Variants in ABLIM2 observed in about 807,000 individuals in gnomAD.
ABLIM2 encodes the protein actin-binding LIM protein 2.
Under a neutral mutation model 97.7 loss-of-function variants are expected in ABLIM2, and 53 were observed. The ratio of observed to expected loss-of-function variants is 0.54; its 90% confidence interval spans 0.44 to 0.68. The LOEUF is 0.68. Among genes scored for constraint, ABLIM2 ranks in the 30% least tolerant of loss-of-function variants. The pLI is 0.00. For missense variants in ABLIM2, 835 were observed against 867.2 expected, an observed-to-expected ratio of 0.96 and a Z score of 0.47; for synonymous variants, 361 against 345.8, an observed-to-expected ratio of 1.04 and a Z score of -0.49.
rs761368156 is a variant in ABLIM2 at position 8,071,618 on chromosome 4, C to T, written c.675+6010G>A. Among the ~76,000 whole-genome samples, 23 of 151,974 alleles carry T rather than the reference C, an allele frequency of 1.5e-4. No homozygotes were observed. The highest frequency in any genetic ancestry group is 3.2e-4 in the Non-Finnish European group (22 of 67,966). On this transcript the variant is annotated intron_variant, in intron 6 of 20. Transcript: ENST00000447017. The surrounding 1 kb of genome is among the most constrained non-coding windows in gnomAD (Gnocchi z 6.2). Reference sequence around the variant, plus strand: ...GAGGGAAGCCAGGGGCACTGCCAAGCGCCTTAGGGGGCAAAACGGGGGTGG... The same window carrying T: ...GAGGGAAGCCAGGGGCACTGCCAAGTGCCTTAGGGGGCAAAACGGGGGTGG...
intron 20 of ABLIM2, among the ~76,000 whole-genome samples, chr4:7,980,274 T>G (rs970258560): frequency 1.3e-5 from 2 of 152,136 alleles, no homozygotes; most frequent in Non-Finnish European, 2.9e-5. Context: ...ACTGATAACA[T>G]TAACATTAAA....
chr4:8,129,014 TC>T (rs1159039990), intron 1 of ABLIM2, among the ~76,000 whole-genome samples: 1 of 151,924 alleles, frequency 6.6e-6, no homozygotes, highest in African/African-American at 2.4e-5. Context: ...AGACCACACA[TC>T]CTACCTGGCT....
chr4:8,036,070 C>T, intron 10 of ABLIM2, 79 bp downstream of exon 10: 2 of 1,529,472 alleles, frequency 1.3e-6, no homozygotes. Context: ...CCATAGGACA[C>T]ATGCTAGGGA....
In ABLIM2 at chr4:7,966,988, C is replaced by T. The variant is rs768467542; in HGVS notation, c.*2G>A. On this transcript the variant is annotated 3_prime_UTR_variant, in exon 21 of 21. Coordinates refer to ENST00000447017, the MANE Select transcript of ABLIM2 (RefSeq NM_001130083.2). ...CACACCAGTGGGGCAGGCTGGCAGC[C>T]GTCAGAACAAAAGGGCTTTCTTCTT... The T allele has an allele frequency of 1.4e-5, 22 of 1,612,282 alleles. No homozygotes were observed. The highest frequency in any genetic ancestry group is 1.7e-4 in the Middle Eastern group (1 of 6,024).
chr4:8,008,652 TCA>T (rs1308363541), intron 15 of ABLIM2, among the ~76,000 whole-genome samples: 1 of 152,206 alleles, frequency 6.6e-6, no homozygotes, highest in Non-Finnish European at 1.5e-5. Flanking sequence ...CCGGCTGCGT[TCA>T]CAGAGTTCGG....
intron 20 of ABLIM2, among the ~76,000 whole-genome samples, chr4:7,971,397 C>A (rs1261637022): frequency 1.3e-5 from 2 of 152,132 alleles, no homozygotes; most frequent in Non-Finnish European, 2.9e-5. Context: ...GGGTGGGGGT[C>A]TTTGCAGAGG....
rs973136034 is a variant in ABLIM2, at chr4:8,021,158, C to T, written c.1268-855G>A. On this transcript the variant is annotated intron_variant, in intron 12 of 20. Coordinates refer to ENST00000447017, the MANE Select transcript of ABLIM2 (RefSeq NM_001130083.2). The surrounding 1 kb of genome is among the most constrained non-coding windows in gnomAD (Gnocchi z 5.5). Reference sequence around the variant, plus strand: ...GGCATGAGCCACCGCACCCTGGCCACATTCTTAAATACAACTGCTTTTTGG... The same window carrying T: ...GGCATGAGCCACCGCACCCTGGCCATATTCTTAAATACAACTGCTTTTTGG... Among the ~76,000 whole-genome samples, 2 of 152,154 alleles carry T rather than the reference C, an allele frequency of 1.3e-5. No homozygotes were observed. The highest frequency in any genetic ancestry group is 4.8e-5 in the African/African-American group (2 of 41,424).
intron 8 of ABLIM2, among the ~76,000 whole-genome samples, chr4:8,052,200 A>G (rs1796480514): frequency 6.6e-6 from 1 of 152,228 alleles, no homozygotes; most frequent in African/African-American, 2.4e-5. Context: ...CCATGCACAC[A>G]TGCAAGCCAC....
chr4:8,144,618 G>A, intron 1 of ABLIM2, among the ~76,000 whole-genome samples: 1 of 152,226 alleles, frequency 6.6e-6, no homozygotes, highest in Non-Finnish European at 1.5e-5. Flanking sequence ...TCCAGTGCCA[G>A]CCCAGCGGGT....
Position 8,105,196 on chromosome 4 carries a change from C to T in ABLIM2, c.154+1298G>A, listed in dbSNP as rs552521799. Among the ~76,000 whole-genome samples the T allele has an allele frequency of 7.9e-4, 121 of 152,310 alleles. 2 individuals carry two copies. The highest frequency in any genetic ancestry group is 6.7e-3 in the Admixed American group (102 of 15,304). On this transcript the variant is annotated intron_variant, in intron 2 of 20. Transcript: ENST00000447017. ...CTTCTGCCAGGCAGATTTCTACTCC[C>T]GAGGTTCTAGCCAGCACGCCACCTC...
intron 1 of ABLIM2, among the ~76,000 whole-genome samples, chr4:8,146,405 C>G (rs865939015): frequency 6.6e-6 from 1 of 152,216 alleles, no homozygotes; most frequent in Non-Finnish European, 1.5e-5. Flanking sequence ...CCGTCACCTA[C>G]AAAGTCAGAT....
At chr4:8,064,223 T>C (rs1805465120) in intron 6 of ABLIM2, among the ~76,000 whole-genome samples, 1 of 152,260 alleles carries the variant, frequency 6.6e-6, no homozygotes, top group South Asian at 2.1e-4. Flanking sequence ...GTGCTCATTC[T>C]TCTTTGTGGC....
intron 20 of ABLIM2, among the ~76,000 whole-genome samples, chr4:7,974,677 C>T (rs975074666): frequency 6.6e-6 from 1 of 151,718 alleles, no homozygotes; most frequent in Admixed American, 6.6e-5. Context: ...ATCCACCCAT[C>T]CATCCACCAA....
intron 12 of ABLIM2, among the ~76,000 whole-genome samples, chr4:8,027,169 T>C (rs1230060524): frequency 5.3e-5 from 8 of 152,106 alleles, no homozygotes; most frequent in Admixed American, 3.9e-4. Context: ...TCTATGAATG[T>C]GGGGGATGCA....
rs369438084 is a variant in ABLIM2, at chr4:8,083,476, C to T, written c.455-2674G>A. Among the ~76,000 whole-genome samples the T allele has an allele frequency of 2.6e-5, 4 of 152,256 alleles. No individual in the cohort carries two copies. The highest frequency in any genetic ancestry group is 4.4e-5 in the Non-Finnish European group (3 of 68,016). On this transcript the variant is annotated intron_variant, in intron 4 of 20. Transcript: ENST00000447017. The surrounding 1 kb of genome is among the most constrained non-coding windows in gnomAD (Gnocchi z 4.6). ...CTCTGCCTCCTACCATATTGGCCGG[C>T]GCCCTCCCCTGCCAAGAAGCTCCCT...
intron 8 of ABLIM2, among the ~76,000 whole-genome samples, chr4:8,048,258 C>T (rs546155294): frequency 4.0e-4 from 61 of 152,320 alleles, no homozygotes; most frequent in African/African-American, 1.4e-3. Flanking sequence ...CAACTCCAAT[C>T]GCACAAAGGT....
intron 7 of ABLIM2, among the ~76,000 whole-genome samples, chr4:8,057,351 G>T (rs1799960081): frequency 6.6e-6 from 1 of 152,112 alleles, no homozygotes; most frequent in Non-Finnish European, 1.5e-5. Flanking sequence ...CTCCCAAAGT[G>T]CTGGAATTAC....
At chr4:8,099,614 G>T (rs972533969) in intron 2 of ABLIM2, among the ~76,000 whole-genome samples, 26 of 152,210 alleles carry the variant, frequency 1.7e-4, no homozygotes, top group Non-Finnish European at 3.1e-4. Context: ...GGGAGGCTGA[G>T]GCAGGCAGAT....
rs1820891280 is a variant in ABLIM2, at chr4:8,082,979, C to T, written c.455-2177G>A. The stretch of plus-strand genomic sequence containing the variant: ...ACTTGGGGCACTTTTGCCCAAGAGA[C>T]ATTTGGCAATGTCTGGCGACCCTTT... On this transcript the variant is annotated intron_variant, in intron 4 of 20. Transcript: ENST00000447017. This position sits in a 1 kb window ranked among gnomAD's most constrained non-coding sequence, Gnocchi z 5.6. 1.3e-5 allele frequency among the ~76,000 whole-genome samples: 2 copies of T among 152,298 alleles called. No individual in the cohort carries two copies. Among genetic ancestry groups the T allele is most frequent in the Admixed American group, 1.3e-4 (2 of 15,292 alleles).
Sources: gnomAD v4.1 joint callset for allele counts (sites outside exome capture counted in the v4.1 genomes callset) on GRCh38, gnomAD v4.1.1 for gene constraint, Gnocchi (gnomAD v3.1) non-coding constraint, MANE v1.5 for transcripts, NCBI Gene and HGNC (gene_info 2026-07-23, HGNC 2026-07-21) for gene names.